Variants in TMC1 observed in about 807,000 individuals in gnomAD.
TMC1 encodes the protein transmembrane channel like 1.
Under a neutral mutation model 105.8 loss-of-function variants are expected in TMC1, and 84 were observed. That is an observed-to-expected ratio of 0.79 (90% CI 0.67 to 0.95). The LOEUF is 0.95. TMC1 is among the 40% of genes least tolerant of loss of function. TMC1 has a pLI of 0.00. For synonymous variants in TMC1, 315 were observed against 311.5 expected, an observed-to-expected ratio of 1.01 and a Z score of -0.12; for missense variants, 817 against 914.1, an observed-to-expected ratio of 0.89 and a Z score of 1.37.
intron 17 of TMC1, among the ~76,000 whole-genome samples, chr9:72,799,558 T>C (rs1828434627): frequency 1.3e-5 from 2 of 152,162 alleles, no homozygotes; most frequent in Non-Finnish European, 2.9e-5. Context: ...TATTTTATTT[T>C]ATTTGTTAAG....
At chr9:72,554,448 A>G (rs1227620576) in intron 1 of TMC1, among the ~76,000 whole-genome samples, 4 of 152,042 alleles carry the variant, frequency 2.6e-5, no homozygotes, top group Middle Eastern at 3.4e-3. Flanking sequence ...ATTTCTCGTC[A>G]AAAGACAGAA....
intron 17 of TMC1, among the ~76,000 whole-genome samples, chr9:72,801,043 G>T (rs1183967907): frequency 6.6e-6 from 1 of 152,150 alleles, no homozygotes; most frequent in Non-Finnish European, 1.5e-5. Context: ...TGTTCTATGA[G>T]AGCATTACAG....
chr9:72,617,691 A>G (rs1825158063), intron 3 of TMC1, among the ~76,000 whole-genome samples: 2 of 152,230 alleles, frequency 1.3e-5, no homozygotes, highest in Admixed American at 1.3e-4. Context: ...TTACTGCAGC[A>G]TGATTTTTAA....
Position 72,806,170 on chromosome 9 carries a change from G to A in TMC1, c.1695+660G>A, listed in dbSNP as rs1239605026. 1.7e-4 allele frequency among the ~76,000 whole-genome samples: 25 copies of A among 149,950 alleles called. No homozygotes were observed. In the East Asian group the frequency reaches 4.6e-3, roughly 28 times the overall value. Reference sequence around the variant, plus strand: ...CCGGGCGGGGCGGCTGGCCGGGCGGGGGGCTGACCCCCCACCTCCCCTCCC... The same window carrying A: ...CCGGGCGGGGCGGCTGGCCGGGCGGAGGGCTGACCCCCCACCTCCCCTCCC... On this transcript the variant is annotated intron_variant, in intron 18 of 23. Transcript: ENST00000297784.
At chr9:72,739,654 T>C (rs1827356417) in intron 8 of TMC1, among the ~76,000 whole-genome samples, 2 of 152,212 alleles carry the variant, frequency 1.3e-5, no homozygotes, top group African/African-American at 4.8e-5. Flanking sequence ...GCTTTTTTTT[T>C]ACAGGATTAA....
intron 2 of TMC1, among the ~76,000 whole-genome samples, chr9:72,605,281 T>C (rs968294719): frequency 2.0e-5 from 3 of 152,216 alleles, no homozygotes; most frequent in African/African-American, 7.2e-5. Flanking sequence ...TATTATTTCA[T>C]AAATTTCTGG....
intron 4 of TMC1, among the ~76,000 whole-genome samples, chr9:72,636,518 G>A (rs1490677107): frequency 2.0e-5 from 3 of 151,962 alleles, no homozygotes; most frequent in Non-Finnish European, 4.4e-5. Context: ...CCACCATGGT[G>A]AAACCCACAT....
intron 2 of TMC1, among the ~76,000 whole-genome samples, chr9:72,609,613 T>A (rs1824989506): frequency 6.6e-6 from 1 of 152,060 alleles, no homozygotes; most frequent in African/African-American, 2.4e-5. Flanking sequence ...AGGAAAAGAT[T>A]AAGAGAAGTT....
intron 4 of TMC1, among the ~76,000 whole-genome samples, chr9:72,633,352 C>G (rs1825479689): frequency 6.6e-6 from 1 of 152,124 alleles, no homozygotes; most frequent in African/African-American, 2.4e-5. Context: ...AGTTTTCTGC[C>G]ACATGCCTAT....
intron 18 of TMC1, among the ~76,000 whole-genome samples, chr9:72,810,752 A>G (rs1291904920): frequency 1.3e-5 from 2 of 152,202 alleles, no homozygotes; most frequent in East Asian, 3.8e-4. Flanking sequence ...ATGCAAATGT[A>G]GTATAATTAA....
intron 4 of TMC1, among the ~76,000 whole-genome samples, chr9:72,647,948 C>CA (rs34090420): frequency 0.5 from 75,224 of 151,708 alleles, 18,963 homozygotes; most frequent in African/African-American, 0.59. Flanking sequence ...TTTATCATTC[C>CA]AATCAAAGAT....
chr9:72,765,139 C>G (rs1046601129), intron 12 of TMC1, among the ~76,000 whole-genome samples: 2 of 152,148 alleles, frequency 1.3e-5, no homozygotes, highest in African/African-American at 4.8e-5. Flanking sequence ...GCCAAATGGT[C>G]TTGCTGATTT....
chr9:72,601,413 G>A (rs1824814003), intron 2 of TMC1, among the ~76,000 whole-genome samples: 1 of 152,122 alleles, frequency 6.6e-6, no homozygotes, highest in Admixed American at 6.5e-5. Context: ...GGAGGCTGAG[G>A]CAGGTGGATC....
At chr9:72,532,355 A>G (rs931466068) in intron 1 of TMC1, among the ~76,000 whole-genome samples, 1 of 151,772 alleles carries the variant, frequency 6.6e-6, no homozygotes, top group Non-Finnish European at 1.5e-5. Context: ...AGCCTGACCA[A>G]CATGGTGAAA....
chr9:72,616,809 G>T (rs1825138608), intron 3 of TMC1, among the ~76,000 whole-genome samples: 1 of 151,860 alleles, frequency 6.6e-6, no homozygotes, highest in African/African-American at 2.4e-5. Context: ...ACCCACTGCT[G>T]TTCCCACCCC....
chr9:72,698,397 C>T (rs969205), intron 7 of TMC1, among the ~76,000 whole-genome samples: 34,037 of 151,574 alleles, frequency 0.22, 4,122 homozygotes, highest in East Asian at 0.39. Flanking sequence ...AACTATAAAA[C>T]TGTGGATATG....
intron 12 of TMC1, among the ~76,000 whole-genome samples, chr9:72,771,110 A>G (rs1379793896): frequency 2.0e-5 from 3 of 152,196 alleles, no homozygotes; most frequent in Non-Finnish European, 4.4e-5. Flanking sequence ...AAATGCAGAT[A>G]CAGGCCTGTG....
At chr9:72,805,088 T>G (rs992932292) in intron 17 of TMC1, among the ~76,000 whole-genome samples, 4 of 152,348 alleles carry the variant, frequency 2.6e-5, no homozygotes, top group Admixed American at 6.5e-5. Flanking sequence ...ACATAAAATT[T>G]TAAACTGCTG....
Position 72,766,360 on chromosome 9 carries a change from T to C in TMC1, c.742-6053T>C, listed in dbSNP as rs1827838999. Reference sequence around the variant, plus strand: ...TGAACCCAGGAGGCGGAGCTTGCAGTGAGCCGAAATTGCGCCACTGCACTC... The same window carrying C: ...TGAACCCAGGAGGCGGAGCTTGCAGCGAGCCGAAATTGCGCCACTGCACTC... On this transcript the variant is annotated intron_variant, in intron 12 of 23. Transcript: ENST00000297784. Among the ~76,000 whole-genome samples the C allele has an allele frequency of 2.7e-5, 4 of 148,268 alleles. No homozygotes were observed. In the Admixed American group the frequency reaches 2.7e-4, roughly 10 times the overall value.
Sources: gnomAD v4.1 joint callset for allele counts (sites outside exome capture counted in the v4.1 genomes callset) on GRCh38, gnomAD v4.1.1 for gene constraint, MANE v1.5 for transcripts, NCBI Gene and HGNC (gene_info 2026-07-23, HGNC 2026-07-21) for gene names.